TTLL10: variants seen among roughly 807,000 people sequenced by gnomAD.
TTLL10 encodes tubulin tyrosine ligase like 10.
In TTLL10, 61 loss-of-function variants were observed where a neutral mutation model predicts 69.0. The ratio of observed to expected loss-of-function variants is 0.88; its 90% confidence interval spans 0.72 to 1.09. TTLL10 has a LOEUF of 1.09. TTLL10 is among the 50% of genes least tolerant of loss of function. The probability of loss-of-function intolerance (pLI) is 0.00; values close to 1 mark genes in which losing one functional copy is unlikely to be tolerated. For missense variants in TTLL10, 962 were observed against 945.9 expected (o/e 1.02, Z -0.22); for synonymous variants, 408 against 393.3 (o/e 1.04, Z -0.44).
At chr1:1,193,612 T>C (rs1034140447) in intron 13 of TTLL10, among the ~76,000 whole-genome samples, 6 of 151,682 alleles carry the variant, frequency 4.0e-5, no homozygotes, top group East Asian at 4.0e-4. Flanking sequence ...TACAGGCGCA[T>C]GCCACCACAC....
intron 13 of TTLL10, 41 bp from the exon 14 acceptor site, chr1:1,196,559 C>A: frequency 6.8e-7 from 1 of 1,466,268 alleles, no homozygotes. Flanking sequence ...GTGATCAGGG[C>A]CTACGGGCCG....
At position 1,181,622 on chromosome 1, in the gene TTLL10, CT is replaced by C; in HGVS notation, c.756-117del. ...GCACCGCCGTCCACCCAGCCACCTC[CT>C]TCCACCACAACTCACAGTCCGCCCA... On this transcript the variant is annotated intron_variant, in intron 8 of 15. Transcript: ENST00000379289. This position sits in a 1 kb window ranked among gnomAD's most constrained non-coding sequence, Gnocchi z 4.6. 1 of 926,102 alleles carries C rather than the reference CT, an allele frequency of 1.1e-6. No homozygotes were observed. Among genetic ancestry groups the C allele is most frequent in the Non-Finnish European group, 1.6e-6 (1 of 609,770 alleles). 57.4% of individuals were successfully genotyped at this position (926,102 alleles called of 1,614,324 possible). A position where few individuals can be genotyped will look rare whatever the true frequency, so the allele number is the denominator to read the frequency against.
intron 14 of TTLL10, 46 bp downstream of exon 14, chr1:1,196,762 G>T: frequency 7.5e-7 from 1 of 1,340,128 alleles, no homozygotes; most frequent in Non-Finnish European, 1.0e-6. Context: ...ATGCAAGGAG[G>T]CAGGGGCCAT....
intron 10 of TTLL10, 92 bp from the exon 11 acceptor site, chr1:1,182,784 C>T (rs1053984109): frequency 1.0e-5 from 15 of 1,450,874 alleles, no homozygotes; most frequent in Non-Finnish European, 1.3e-5. Flanking sequence ...GGCCGAGGGT[C>T]GCAGCCTGGA....
Position 1,179,717 on chromosome 1 carries a change from C to A in TTLL10, c.179C>A (p.Ala60Glu). 1.3e-6 allele frequency: 2 copies of A among 1,550,262 alleles called. No homozygotes were observed. Among genetic ancestry groups the A allele is most frequent in the East Asian group, 2.4e-5 (1 of 40,908 alleles). ...GCCTCACAGCCCGGCCCCTGCCCTG[C>A]ACCAGGCCACTGCCCTGTTGGTGAG... ...APASQPGPCP[A>E]PGHCPVGPAH... The change falls in exon 5 of 16, where the codon GCA becomes GAA. Residue 60 changes from alanine to glutamate, a missense_variant. Coordinates refer to ENST00000379289, the MANE Select transcript of TTLL10 (RefSeq NM_001130045.2).
chr1:1,186,246 G>A (rs185036515), intron 13 of TTLL10, among the ~76,000 whole-genome samples: 4 of 152,140 alleles, frequency 2.6e-5, no homozygotes, highest in Admixed American at 6.5e-5. Context: ...CCGCCACCAC[G>A]CGCGGCTAAT....
chr1:1,180,135 C>T lies in TTLL10; in HGVS notation c.301C>T (p.Leu101=). Residue 101 remains leucine (L), a synonymous_variant, in exon 6 of 16, where the codon CTG becomes TTG. Transcript: ENST00000379289. ...HDADGHCGPD[L]EGAERASATP... ...CGCAGATGGACACTGTGGGCCGGAC[C>T]TGGAGGGGGCAGAAAGAGCCTCTGC... 2 of 1,611,308 alleles carry T rather than the reference C, an allele frequency of 1.2e-6. No individual in the cohort carries two copies. Among genetic ancestry groups the T allele is most frequent in the Non-Finnish European group, 1.7e-6 (2 of 1,179,400 alleles).
intron 13 of TTLL10, among the ~76,000 whole-genome samples, chr1:1,196,039 C>A (rs9660873): frequency 6.8e-6 from 1 of 146,182 alleles, no homozygotes; most frequent in Admixed American, 6.7e-5. Flanking sequence ...GCCTCCCAAA[C>A]TGCTGGGACT....
At chr1:1,195,790 C>A (rs1003687321) in intron 13 of TTLL10, among the ~76,000 whole-genome samples, 18 of 152,140 alleles carry the variant, frequency 1.2e-4, no homozygotes, top group Admixed American at 9.2e-4. Flanking sequence ...CAGGCATACA[C>A]CACCACGCTT....
rs772397027 is a variant in TTLL10 at position 1,183,066 on chromosome 1, G to A, written c.1088+19G>A. ...TGCAGAGGTGCGGCGGCGGGTGCCCGGAGGGGTGAGGGTCTGGGCTGGCTG... is the reference window on the plus strand; with the variant it reads ...TGCAGAGGTGCGGCGGCGGGTGCCCAGAGGGGTGAGGGTCTGGGCTGGCTG... On this transcript the variant is annotated intron_variant, in intron 11 of 15. Coordinates refer to ENST00000379289, the MANE Select transcript of TTLL10 (RefSeq NM_001130045.2). 25 of 1,575,048 alleles carry A rather than the reference G, an allele frequency of 1.6e-5. No individual in the cohort carries two copies. The highest frequency in any genetic ancestry group is 5.4e-5 in the Admixed American group (3 of 56,052).
At chr1:1,180,881 GCCCCCGTCCCTGCGCCCGCCCCT>G (rs1647038758) in intron 8 of TTLL10, 21 bp downstream of exon 8, 3 of 1,533,350 alleles carry the variant, frequency 2.0e-6, no homozygotes, top group African/African-American at 2.9e-5. Flanking sequence ...CCCTGCCCCT[GCCCCCGTCCCTGCGCCCGCCCCT>G]ACGCCTGCCC....
intron 13 of TTLL10, chr1:1,196,358 TGA>T (rs1028512900): frequency 3.6e-5 from 18 of 507,008 alleles, no homozygotes; most frequent in African/African-American, 3.3e-4. Context: ...AGATTTCCTG[TGA>T]GTTTTCCTCA....
chr1:1,178,043 G>C (rs1646927967), intron 3 of TTLL10, among the ~76,000 whole-genome samples: 2 of 152,296 alleles, frequency 1.3e-5, no homozygotes, highest in African/African-American at 2.4e-5. Context: ...ACCTTCCCCT[G>C]CCCGTGGGCT....
In TTLL10 at chr1:1,197,788, G is replaced by A; in HGVS notation, c.1963G>A (p.Glu655Lys). ...SGTGNRHPAQ[E>K]PSPGTAKEER... ...CACAGGCAACAGGCACCCGGCGCAAGAGCCTTCCCCGGGGACAGCCAAGGA... is the reference window on the plus strand; with the variant it reads ...CACAGGCAACAGGCACCCGGCGCAAAAGCCTTCCCCGGGGACAGCCAAGGA... Residue 655 changes from glutamate to lysine, a missense_variant, in exon 16 of 16, where the codon GAG (glutamate) becomes AAG (lysine). Coordinates refer to ENST00000379289, the MANE Select transcript of TTLL10 (RefSeq NM_001130045.2). 3 of 1,530,590 alleles carry A rather than the reference G, an allele frequency of 2.0e-6. No individual in the cohort carries two copies. The highest frequency in any genetic ancestry group is 1.2e-5 in the South Asian group (1 of 82,502). The allele number at this position is 1,530,590 out of a possible 1,614,324, so 94.8% of individuals were successfully genotyped here.
In TTLL10 at chr1:1,183,975, C is replaced by G. The variant is rs1647162743; in HGVS notation, c.1144C>G (p.Leu382Val). 6.2e-7 allele frequency: 1 copy of G among 1,614,120 alleles called. No homozygotes were observed. The highest frequency in any genetic ancestry group is 8.5e-7 in the Non-Finnish European group (1 of 1,180,048). Residue 382 changes from leucine (L) to valine (V), a missense_variant, in exon 12 of 16, where the codon CTG becomes GTG. Leu to Val is a conservative substitution (Grantham distance 32, BLOSUM62 1). Transcript: ENST00000379289. ...GAGAAAGTTTGACGTGCGCTCCTAC[C>G]TGCTCATTGCCTGCACCACACCCTA... is the stretch of plus-strand genomic sequence containing the variant. The part of the protein sequence containing the change: ...DGRKFDVRSY[L>V]LIACTTPYMI...
rs769959480 is a variant in TTLL10 at position 1,197,646 on chromosome 1, G to A, written c.1821G>A (p.Pro607=). 8.7e-6 allele frequency: 13 copies of A among 1,501,014 alleles called. No homozygotes were observed. The highest frequency in any genetic ancestry group is 2.2e-4 in the Middle Eastern group (1 of 4,546). The allele number at this position is 1,501,014 out of a possible 1,614,324, so 93.0% of individuals were successfully genotyped here. A position where few individuals can be genotyped will look rare whatever the true frequency, so the allele number is the denominator to read the frequency against. ...GPPMPHAPDQ[P]GARRPAPPPL... The stretch of plus-strand genomic sequence containing the variant: ...CCATGCCGCATGCCCCAGACCAGCC[G>A]GGCGCCCGCAGGCCTGCGCCACCTC... Residue 607 remains proline, a synonymous_variant, in exon 16 of 16, where the codon CCG becomes CCA. Transcript: ENST00000379289.
rs1468782281 is a variant in TTLL10, at chr1:1,181,071, C to G, written c.755+211C>G. On this transcript the variant is annotated intron_variant, in intron 8 of 15. Coordinates refer to ENST00000379289, the MANE Select transcript of TTLL10 (RefSeq NM_001130045.2). This position sits in a 1 kb window ranked among gnomAD's most constrained non-coding sequence, Gnocchi z 4.6. ...CTGGGCTCCCAGGCTGGCCCCAGCCCCCACCCGTCAGCACCTGCCTCCACC... is the reference window on the plus strand; with the variant it reads ...CTGGGCTCCCAGGCTGGCCCCAGCCGCCACCCGTCAGCACCTGCCTCCACC... Among the ~76,000 whole-genome samples, 1 of 149,920 alleles carries G rather than the reference C, an allele frequency of 6.7e-6. No homozygotes were observed. The highest frequency in any genetic ancestry group is 1.5e-5 in the Non-Finnish European group (1 of 67,480).
In TTLL10 at chr1:1,179,757, C is replaced by A; in HGVS notation, c.199+20C>A. Reference sequence around the variant, plus strand: ...CTGTTGGTGAGGAGGGTCGGAGGGGCGACCTCCCTGCCCCCTGCTCCAAGC... The same window carrying A: ...CTGTTGGTGAGGAGGGTCGGAGGGGAGACCTCCCTGCCCCCTGCTCCAAGC... On this transcript the variant is annotated intron_variant, in intron 5 of 15. Transcript: ENST00000379289. The A allele has an allele frequency of 6.5e-7, 1 of 1,538,584 alleles. No homozygotes were observed. Among genetic ancestry groups the A allele is most frequent in the Non-Finnish European group, 8.8e-7 (1 of 1,141,806 alleles).
rs998165428 is a variant in TTLL10 at position 1,185,068 on chromosome 1, G to A, written c.1360G>A (p.Ala454Thr). ...NRYISDTFWK[A>T]RGLAKDWVFT... ...CTACATCAGTGACACGTTCTGGAAG[G>A]CCCGGGGCCTCGCCAAGGACTGGGT... The change falls in exon 13 of 16, where the codon GCC becomes ACC. Residue 454 changes from alanine to threonine, a missense_variant. Physicochemically the swap from Ala to Thr is moderately conservative, Grantham distance 58. Coordinates refer to ENST00000379289, the MANE Select transcript of TTLL10 (RefSeq NM_001130045.2). This position sits in a 1 kb window ranked among gnomAD's most constrained non-coding sequence, Gnocchi z 6.1. 7 of 1,613,956 alleles carry A rather than the reference G, an allele frequency of 4.3e-6. No individual in the cohort carries two copies. The Admixed American group carries it at 1.2e-4, about 27-fold the overall frequency.
Sources: gnomAD v4.1 joint callset for allele counts (sites outside exome capture counted in the v4.1 genomes callset) on GRCh38, gnomAD v4.1.1 for gene constraint, Gnocchi (gnomAD v3.1) non-coding constraint, MANE v1.5 for transcripts, NCBI Gene and HGNC (gene_info 2026-07-23, HGNC 2026-07-21) for gene names.